THSD4: variants seen among roughly 807,000 people sequenced by gnomAD.
THSD4 encodes the protein thrombospondin type-1 domain-containing protein 4.
Under a neutral mutation model 119.0 loss-of-function variants are expected in THSD4, and 69 were observed. The observed-to-expected ratio is 0.58, with a 90% confidence interval of 0.48 to 0.71. The LOEUF is 0.71. Among genes scored for constraint, THSD4 ranks in the 30% least tolerant of loss-of-function variants. The pLI, the probability that THSD4 is intolerant of heterozygous loss-of-function variation, is 0.00. For synonymous variants in THSD4, 524 were observed against 540.4 expected, an observed-to-expected ratio of 0.97 and a Z score of 0.42; for missense variants, 1,393 against 1,391.1, an observed-to-expected ratio of 1.00 and a Z score of -0.02.
chr15:71,397,101 G>T (rs1435007697), intron 6 of THSD4, among the ~76,000 whole-genome samples: 1 of 152,160 alleles, frequency 6.6e-6, no homozygotes, highest in Non-Finnish European at 1.5e-5. Context: ...TGGACTGCTG[G>T]TTTACCTCTG....
rs149579262 is a variant in THSD4 at position 71,160,927 on chromosome 15, A to G, written c.99+5995A>G. Among the ~76,000 whole-genome samples the G allele has an allele frequency of 6.2e-3, 936 of 152,066 alleles. 5 individuals carry two copies. Among genetic ancestry groups the G allele is most frequent in the African/African-American group, 0.022 (895 of 41,518 alleles). On this transcript the variant is annotated intron_variant, in intron 3 of 17. Coordinates refer to ENST00000261862, the MANE Select transcript of THSD4 (RefSeq NM_024817.3). ...TTTTGAGGTAGGAGTCACAGGAGGT[A>G]ATGGAGAAAAGCACCAAAAAACCTA...
At chr15:71,618,428 G>A (rs941922790) in intron 7 of THSD4, among the ~76,000 whole-genome samples, 2 of 152,192 alleles carry the variant, frequency 1.3e-5, no homozygotes, top group Admixed American at 6.5e-5. Context: ...AGCGCAGAAA[G>A]CAAGCTACTA....
chr15:71,338,402 G>GA (rs2045515947), intron 6 of THSD4, among the ~76,000 whole-genome samples: 1 of 152,020 alleles, frequency 6.6e-6, no homozygotes, highest in Admixed American at 6.6e-5. Flanking sequence ...TAGATATCAG[G>GA]GAGGTTCACA....
chr15:71,718,148 CAAAAA>C (rs55879700), intron 8 of THSD4, among the ~76,000 whole-genome samples: 7 of 123,158 alleles, frequency 5.7e-5, no homozygotes, highest in Non-Finnish European at 7.1e-5. Context: ...GACCCTGTCT[CAAAAA>C]AAAAAAAAAA....
intron 4 of THSD4, among the ~76,000 whole-genome samples, chr15:71,231,386 A>AG (rs774305360): frequency 1.1e-4 from 16 of 152,114 alleles, no homozygotes; most frequent in Non-Finnish European, 1.9e-4. Context: ...CACTGAGTAT[A>AG]GGGTCTTCTA....
intron 4 of THSD4, among the ~76,000 whole-genome samples, chr15:71,217,067 G>T (rs1395975328): frequency 6.6e-6 from 1 of 152,148 alleles, no homozygotes; most frequent in African/African-American, 2.4e-5. Flanking sequence ...AAAGTGCTGG[G>T]ATTATAGGCA....
At chr15:71,119,088 T>C (rs985657794) in intron 1 of THSD4, among the ~76,000 whole-genome samples, 1 of 152,262 alleles carries the variant, frequency 6.6e-6, no homozygotes, top group East Asian at 1.9e-4. Flanking sequence ...TCTCTTTTAA[T>C]CCTCCCAGCC....
chr15:71,192,449 A>T (rs1474961466), intron 3 of THSD4, among the ~76,000 whole-genome samples: 1 of 150,110 alleles, frequency 6.7e-6, no homozygotes, highest in African/African-American at 2.5e-5. Flanking sequence ...CGCCTGGATA[A>T]TTTTTGTATT....
At chr15:71,548,097 GT>G (rs11397800) in intron 7 of THSD4, among the ~76,000 whole-genome samples, 15,728 of 145,646 alleles carry the variant, frequency 0.11, 2,650 homozygotes, top group African/African-American at 0.36. Context: ...GTTGGGTACA[GT>G]TTTTTTTTTT....
intron 4 of THSD4, among the ~76,000 whole-genome samples, chr15:71,240,582 T>G (rs895757576): frequency 4.6e-5 from 7 of 152,092 alleles, no homozygotes; most frequent in African/African-American, 1.7e-4. Context: ...GTTTGAGAAG[T>G]GCTATTCCAC....
chr15:71,584,486 C>T (rs956192914), intron 7 of THSD4, among the ~76,000 whole-genome samples: 66 of 151,744 alleles, frequency 4.3e-4, no homozygotes, highest in Admixed American at 8.5e-4. Context: ...CCAGGCTGGT[C>T]TCAAACTCCT....
At chr15:71,266,448 A>G (rs1201452193) in intron 6 of THSD4, among the ~76,000 whole-genome samples, 1 of 152,176 alleles carries the variant, frequency 6.6e-6, no homozygotes. Context: ...CAAAAACCAC[A>G]TATGAAGGTC....
intron 6 of THSD4, among the ~76,000 whole-genome samples, chr15:71,347,589 T>C (rs992817458): frequency 2.0e-5 from 3 of 152,224 alleles, no homozygotes; most frequent in Non-Finnish European, 4.4e-5. Flanking sequence ...GGGATCCTCC[T>C]GGTCCTCTTT....
intron 4 of THSD4, among the ~76,000 whole-genome samples, chr15:71,236,982 A>G (rs1301584685): frequency 6.6e-6 from 1 of 152,178 alleles, no homozygotes. Context: ...GATGCTGGAG[A>G]AAGCAGCTGA....
intron 8 of THSD4, among the ~76,000 whole-genome samples, chr15:71,670,837 T>C (rs1219666179): frequency 6.6e-6 from 1 of 151,886 alleles, no homozygotes; most frequent in Non-Finnish European, 1.5e-5. Context: ...ATCCTTTTTT[T>C]ATGGCTGCAT....
chr15:71,286,516 A>G (rs939734982), intron 6 of THSD4, among the ~76,000 whole-genome samples: 1 of 152,212 alleles, frequency 6.6e-6, no homozygotes, highest in East Asian at 1.9e-4. Flanking sequence ...ATAGTATTCC[A>G]TGGTGTGTAT....
At chr15:71,724,443 G>A (rs918241680) in intron 8 of THSD4, among the ~76,000 whole-genome samples, 12 of 150,808 alleles carry the variant, frequency 8.0e-5, no homozygotes, top group South Asian at 4.2e-4. Context: ...CCACCACCAC[G>A]CCCAGCTAAT....
chr15:71,499,679 G>A (rs1370594547), intron 7 of THSD4, among the ~76,000 whole-genome samples: 2 of 151,980 alleles, frequency 1.3e-5, no homozygotes, highest in Non-Finnish European at 2.9e-5. Context: ...TCAGCCCCAG[G>A]AACTACCATT....
Position 71,757,888 on chromosome 15 carries a change from C to G in THSD4, c.2416-14C>G. 6.2e-7 allele frequency: 1 copy of G among 1,612,714 alleles called. No individual in the cohort carries two copies. The highest frequency in any genetic ancestry group is 8.5e-7 in the Non-Finnish European group (1 of 1,179,930). Reference sequence around the variant, plus strand: ...AGGGCCTCCTGACTAATGTGCCCTTCCCCTGTCTCACAGTGCTCAGCGGAG... The same window carrying G: ...AGGGCCTCCTGACTAATGTGCCCTTGCCCTGTCTCACAGTGCTCAGCGGAG... On this transcript the variant is annotated splice_polypyrimidine_tract_variant and intron_variant, in intron 14 of 17. Coordinates refer to ENST00000261862, the MANE Select transcript of THSD4 (RefSeq NM_024817.3).
Sources: gnomAD v4.1 joint callset for allele counts (sites outside exome capture counted in the v4.1 genomes callset) on GRCh38, gnomAD v4.1.1 for gene constraint, MANE v1.5 for transcripts, NCBI Gene and HGNC (gene_info 2026-07-23, HGNC 2026-07-21) for gene names.